The following ZNF385D variants were observed in gnomAD, a reference collection of about 807,000 sequenced individuals.
The protein encoded by ZNF385D is zinc finger protein 659.
Under a neutral mutation model 35.8 loss-of-function variants are expected in ZNF385D, and 15 were observed. That is an observed-to-expected ratio of 0.42 (90% CI 0.28 to 0.64). The LOEUF (loss-of-function observed/expected upper bound fraction) is 0.64, where lower values mean the gene tolerates loss of function less well. Among genes scored for constraint, ZNF385D ranks in the 30% least tolerant of loss-of-function variants. ZNF385D has a pLI of 0.23. For missense variants in ZNF385D, 474 were observed against 494.6 expected (o/e 0.96, Z 0.39); for synonymous variants, 212 against 186.8 (o/e 1.13, Z -1.10).
chr3:22,161,390 C>A (rs909164320), intron 3 of ZNF385D, among the ~76,000 whole-genome samples: 1 of 151,950 alleles, frequency 6.6e-6, no homozygotes, highest in African/African-American at 2.4e-5. Flanking sequence ...ATATATTAAA[C>A]CATTTTATAA....
chr3:21,639,726 A>G lies in ZNF385D; in HGVS notation c.165+25160T>C, dbSNP rs116667561. On this transcript the variant is annotated intron_variant, in intron 2 of 7. Coordinates refer to ENST00000281523, the MANE Select transcript of ZNF385D (RefSeq NM_024697.3). ...TAGTCTCATTTTAATGAAATTCTCT[A>G]TATTGTTCACATAAAAACCAATTGT... Among the ~76,000 whole-genome samples the G allele has an allele frequency of 3.6e-3, 553 of 152,136 alleles. 2 individuals carry two copies. The highest frequency in any genetic ancestry group is 0.012 in the African/African-American group (517 of 41,550).
In ZNF385D at chr3:21,629,675, C is replaced by A. The variant is rs575558312; in HGVS notation, c.165+35211G>T. 6.6e-5 allele frequency among the ~76,000 whole-genome samples: 10 copies of A among 152,210 alleles called. No individual in the cohort carries two copies. In the East Asian group the frequency reaches 1.9e-3, roughly 30 times the overall value. ...TCAAATTCCACCAAAAGATGGGGAG[C>A]CTCCCCTTTGGGCTACTCTTTTAAG... On this transcript the variant is annotated intron_variant, in intron 2 of 7. Transcript: ENST00000281523.
intron 2 of ZNF385D, among the ~76,000 whole-genome samples, chr3:22,303,016 T>G (rs1274156659): frequency 6.6e-6 from 1 of 152,160 alleles, no homozygotes; most frequent in Non-Finnish European, 1.5e-5. Context: ...AGATGATAGT[T>G]CATCTTTTTT....
At chr3:22,129,273 G>A (rs1703632473) in intron 3 of ZNF385D, among the ~76,000 whole-genome samples, 1 of 152,108 alleles carries the variant, frequency 6.6e-6, no homozygotes, top group Admixed American at 6.6e-5. Flanking sequence ...CTGGGACTGT[G>A]CCTCGTCATA....
At chr3:21,661,737 G>C (rs2066242858) in intron 2 of ZNF385D, among the ~76,000 whole-genome samples, 1 of 152,096 alleles carries the variant, frequency 6.6e-6, no homozygotes, top group African/African-American at 2.4e-5. Context: ...TTAAAAGTTG[G>C]CTTTGAGGAG....
chr3:22,251,913 G>A (rs953828363), intron 2 of ZNF385D, among the ~76,000 whole-genome samples: 1 of 152,024 alleles, frequency 6.6e-6, no homozygotes, highest in Non-Finnish European at 1.5e-5. Context: ...AGGTTTGGGC[G>A]ACCTACCTCA....
intron 3 of ZNF385D, among the ~76,000 whole-genome samples, chr3:21,856,277 A>G (rs1430894917): frequency 2.8e-5 from 4 of 141,120 alleles, no homozygotes; most frequent in African/African-American, 1.3e-4. Flanking sequence ...AGACACTGGA[A>G]TGTCCAGGAT....
At chr3:22,244,974 A>G (rs1699696913) in intron 2 of ZNF385D, among the ~76,000 whole-genome samples, 1 of 152,056 alleles carries the variant, frequency 6.6e-6, no homozygotes, top group Non-Finnish European at 1.5e-5. Context: ...CTGGTTCCAA[A>G]TGGCCTACCT....
At chr3:22,014,199 G>A (rs375297479) in intron 3 of ZNF385D, among the ~76,000 whole-genome samples, 12 of 151,814 alleles carry the variant, frequency 7.9e-5, no homozygotes, top group South Asian at 6.3e-4. Flanking sequence ...TAAAAGCATG[G>A]CTGCTACCTT....
At chr3:21,898,070 T>C (rs1242508226) in intron 3 of ZNF385D, among the ~76,000 whole-genome samples, 1 of 152,170 alleles carries the variant, frequency 6.6e-6, no homozygotes, top group African/African-American at 2.4e-5. Flanking sequence ...TTTTGTATCG[T>C]CAAATGTTAG....
At chr3:22,240,417 T>A (rs542267093) in intron 2 of ZNF385D, among the ~76,000 whole-genome samples, 1 of 151,070 alleles carries the variant, frequency 6.6e-6, no homozygotes, top group African/African-American at 2.4e-5. Context: ...TGTTAATTAT[T>A]TTCTCATCAG....
chr3:21,500,127 A>G (rs1334021169), intron 4 of ZNF385D, among the ~76,000 whole-genome samples: 1 of 152,230 alleles, frequency 6.6e-6, no homozygotes, highest in Non-Finnish European at 1.5e-5. Context: ...ATGGTGGCAC[A>G]TTCAAACTCT....
intron 2 of ZNF385D, among the ~76,000 whole-genome samples, chr3:22,263,832 G>A (rs1424894303): frequency 2.0e-5 from 3 of 151,878 alleles, no homozygotes; most frequent in African/African-American, 7.3e-5. Context: ...GGTATTACTA[G>A]GTTGCTGCCA....
At chr3:22,332,442 T>G (rs1041405111) in intron 2 of ZNF385D, among the ~76,000 whole-genome samples, 1 of 152,138 alleles carries the variant, frequency 6.6e-6, no homozygotes, top group African/African-American at 2.4e-5. Flanking sequence ...TTTTAAGGAC[T>G]ATTTGGTATT....
intron 3 of ZNF385D, among the ~76,000 whole-genome samples, chr3:21,991,082 A>G (rs897710734): frequency 1.1e-4 from 16 of 152,226 alleles, no homozygotes; most frequent in African/African-American, 3.9e-4. Flanking sequence ...AAATATTTGA[A>G]TAATTATGAA....
intron 1 of ZNF385D, among the ~76,000 whole-genome samples, chr3:21,715,862 C>T (rs1005441670): frequency 2.6e-5 from 4 of 152,114 alleles, no homozygotes; most frequent in South Asian, 2.1e-4. Flanking sequence ...ATCTAATTGC[C>T]TACTCAGCAT....
At chr3:21,965,043 G>C (rs546691146) in intron 3 of ZNF385D, among the ~76,000 whole-genome samples, 31 of 152,206 alleles carry the variant, frequency 2.0e-4, no homozygotes, top group African/African-American at 7.0e-4. Context: ...TATTAAAGTT[G>C]ACACTAGAAT....
intron 3 of ZNF385D, among the ~76,000 whole-genome samples, chr3:21,920,021 A>C (rs1700374855): frequency 6.6e-6 from 1 of 152,204 alleles, no homozygotes; most frequent in African/African-American, 2.4e-5. Flanking sequence ...AATCATTTCC[A>C]GGGGTTGAGA....
intron 2 of ZNF385D, among the ~76,000 whole-genome samples, chr3:21,567,315 G>A (rs1396297290): frequency 6.6e-6 from 1 of 152,128 alleles, no homozygotes; most frequent in Non-Finnish European, 1.5e-5. Context: ...ACAGGACATA[G>A]TACAGGATTC....
Sources: allele counts gnomAD v4.1 joint callset (sites outside exome capture counted in the v4.1 genomes callset), GRCh38; gene constraint gnomAD v4.1.1; transcripts MANE v1.5; gene names NCBI Gene and HGNC (gene_info 2026-07-23, HGNC 2026-07-21).